The following RNF180 variants were observed in gnomAD, a reference collection of about 807,000 sequenced individuals.
RNF180 encodes ring finger protein 180, also known as E3 ubiquitin-protein ligase RNF180.
RNF180 carries 38 observed loss-of-function variants against 59.2 expected under a neutral mutation model. The observed-to-expected ratio is 0.64, with a 90% CI of 0.50 to 0.84. The LOEUF is 0.84. Ranked by LOEUF, RNF180 falls within the 40% of genes least tolerant of loss-of-function variation. The pLI is 0.00. For missense variants in RNF180, 705 were observed against 700.9 expected, an observed-to-expected ratio of 1.01 and a Z score of -0.07; for synonymous variants, 262 against 240.3, an observed-to-expected ratio of 1.09 and a Z score of -0.84.
intron 5 of RNF180, among the ~76,000 whole-genome samples, chr5:64,257,385 A>T (rs1009036190): frequency 1.3e-5 from 2 of 152,122 alleles, no homozygotes; most frequent in African/African-American, 4.8e-5. Flanking sequence ...CCATCAATAC[A>T]TAATTTATTG....
intron 1 of RNF180, among the ~76,000 whole-genome samples, chr5:64,189,634 C>G (rs1428286312): frequency 6.6e-6 from 1 of 151,964 alleles, no homozygotes; most frequent in Non-Finnish European, 1.5e-5. Flanking sequence ...ACAGTCAACT[C>G]AAAAGGAGAA....
intron 7 of RNF180, among the ~76,000 whole-genome samples, chr5:64,339,274 TTTG>T (rs1745262559): frequency 6.6e-6 from 1 of 152,170 alleles, no homozygotes; most frequent in African/African-American, 2.4e-5. Flanking sequence ...TTGGATTTAT[TTTG>T]TTATTTTTAT....
intron 7 of RNF180, among the ~76,000 whole-genome samples, chr5:64,359,618 G>A (rs1255328011): frequency 6.6e-5 from 10 of 151,632 alleles, no homozygotes; most frequent in African/African-American, 2.4e-4. Flanking sequence ...TTCTTTTGCT[G>A]TGCAGAAGCT....
chr5:64,338,147 G>A (rs367657278), intron 7 of RNF180, among the ~76,000 whole-genome samples: 6 of 152,246 alleles, frequency 3.9e-5, no homozygotes, highest in African/African-American at 7.2e-5. Flanking sequence ...ACAACCTTAC[G>A]AAATTGTCTT....
chr5:64,356,274 A>G (rs1342515188), intron 7 of RNF180, among the ~76,000 whole-genome samples: 1 of 151,794 alleles, frequency 6.6e-6, no homozygotes. Context: ...AAAAAAATAA[A>G]TGTGGTGTAA....
rs115409694 is a variant in RNF180, at chr5:64,192,286, G to A, written c.1-8522G>A. 3.8e-3 allele frequency among the ~76,000 whole-genome samples: 575 copies of A among 151,958 alleles called. 3 individuals are homozygous for A. The highest frequency in any genetic ancestry group is 0.013 in the African/African-American group (543 of 41,438). On this transcript the variant is annotated intron_variant, in intron 1 of 7. Coordinates refer to ENST00000389100, the MANE Select transcript of RNF180 (RefSeq NM_001113561.2). ...TGAAATATTGTCTCACACCTGTTAG[G>A]ATATTACCAAATAAAAGGTAAGGGT...
chr5:64,234,614 T>TTTTTTTTTTTTTTTC (rs1273287043), intron 5 of RNF180, among the ~76,000 whole-genome samples: 1 of 91,222 alleles, frequency 1.1e-5, no homozygotes, highest in Non-Finnish European at 2.1e-5. Flanking sequence ...TTTTTTTTTT[T>TTTTTTTTTTTTTTTC]TTTGAGAAGG....
chr5:64,282,851 G>A (rs1319293216), intron 5 of RNF180, among the ~76,000 whole-genome samples: 1 of 152,060 alleles, frequency 6.6e-6, no homozygotes, highest in African/African-American at 2.4e-5. Context: ...TATCTTTATT[G>A]TGCTGTGGTT....
chr5:64,315,854 CAATAAA>C (rs1425683265), intron 5 of RNF180, among the ~76,000 whole-genome samples: 2 of 150,228 alleles, frequency 1.3e-5, no homozygotes, highest in Admixed American at 1.3e-4. Context: ...AGGGCAAAAA[CAATAAA>C]AATAAAAATT....
intron 5 of RNF180, among the ~76,000 whole-genome samples, chr5:64,301,343 G>A (rs1023928542): frequency 1.3e-5 from 2 of 151,600 alleles, no homozygotes; most frequent in Non-Finnish European, 3.0e-5. Context: ...ATCTGCAAAC[G>A]TCAAAATTTC....
At chr5:64,328,599 G>A (rs2162804) in intron 6 of RNF180, among the ~76,000 whole-genome samples, 13,154 of 152,270 alleles carry the variant, frequency 0.086, 759 homozygotes, top group East Asian at 0.22. Flanking sequence ...GCTGGTTCGT[G>A]GGTGTGCAAT....
At chr5:64,181,457 T>G (rs762214727) in intron 1 of RNF180, among the ~76,000 whole-genome samples, 9 of 152,194 alleles carry the variant, frequency 5.9e-5, no homozygotes, top group Non-Finnish European at 1.3e-4. Flanking sequence ...CAATTACAGT[T>G]TTTTAAATGG....
At chr5:64,204,579 CT>C in intron 2 of RNF180, among the ~76,000 whole-genome samples, 1 of 152,112 alleles carries the variant, frequency 6.6e-6, no homozygotes, top group East Asian at 1.9e-4. Context: ...AAATACCAAC[CT>C]TTTTTTGGTT....
chr5:64,251,511 C>G (rs560660475), intron 5 of RNF180, among the ~76,000 whole-genome samples: 12 of 152,160 alleles, frequency 7.9e-5, no homozygotes, highest in Non-Finnish European at 1.8e-4. Flanking sequence ...CAGCCTGAAA[C>G]TCCTGGGCTC....
At chr5:64,250,885 A>T (rs1365853700) in intron 5 of RNF180, among the ~76,000 whole-genome samples, 1 of 152,184 alleles carries the variant, frequency 6.6e-6, no homozygotes, top group Non-Finnish European at 1.5e-5. Flanking sequence ...CATCAAAGCC[A>T]GACAGACACA....
chr5:64,320,926 C>T (rs947610272), intron 5 of RNF180, among the ~76,000 whole-genome samples: 19 of 151,754 alleles, frequency 1.3e-4, no homozygotes, highest in Non-Finnish European at 2.8e-4. Flanking sequence ...TAGTCCCAGC[C>T]ACTCGGGAGG....
chr5:64,237,211 A>G (rs554568566), intron 5 of RNF180, among the ~76,000 whole-genome samples: 5 of 152,370 alleles, frequency 3.3e-5, no homozygotes, highest in Non-Finnish European at 7.3e-5. Context: ...TTAGATCCAC[A>G]GGAGCAGAGC....
chr5:64,277,474 G>A (rs1580166259), intron 5 of RNF180, among the ~76,000 whole-genome samples: 2 of 152,128 alleles, frequency 1.3e-5, no homozygotes, highest in African/African-American at 4.8e-5. Context: ...GCCAAGGAAA[G>A]GTATGAGAGG....
intron 2 of RNF180, among the ~76,000 whole-genome samples, chr5:64,205,391 TGA>T (rs1751964710): frequency 6.6e-6 from 1 of 152,012 alleles, no homozygotes; most frequent in Non-Finnish European, 1.5e-5. Context: ...CATCCAGACC[TGA>T]GATAGATGAA....
Sources: gnomAD v4.1 joint callset for allele counts (sites outside exome capture counted in the v4.1 genomes callset) on GRCh38, gnomAD v4.1.1 for gene constraint, MANE v1.5 for transcripts, NCBI Gene and HGNC (gene_info 2026-07-23, HGNC 2026-07-21) for gene names.